SMARCB1: variants seen among roughly 807,000 people sequenced by gnomAD.
SMARCB1 encodes the protein SWI/SNF related BAF chromatin remodeling complex subunit B1, also known as SWI/SNF-related matrix-associated actin-dependent regulator of chromatin subfamily B member 1.
Under a neutral mutation model 49.0 loss-of-function variants are expected in SMARCB1, and 5 were observed. That is an observed-to-expected ratio of 0.10 (90% CI 0.05 to 0.21). The LOEUF (loss-of-function observed/expected upper bound fraction) is 0.21, where lower values mean the gene tolerates loss of function less well. Among genes scored for constraint, SMARCB1 ranks in the 10% least tolerant of loss-of-function variants. SMARCB1 has a pLI of 1.00. For synonymous variants in SMARCB1, 201 were observed against 200.1 expected, an observed-to-expected ratio of 1.00 and a Z score of -0.04; for missense variants, 226 against 509.2, an observed-to-expected ratio of 0.44 and a Z score of 5.35.
intron 3 of SMARCB1, among the ~76,000 whole-genome samples, chr22:23,799,049 C>CAA (rs765990218): frequency 6.8e-5 from 4 of 59,250 alleles, no homozygotes; most frequent in Non-Finnish European, 7.0e-5. Flanking sequence ...GACTCCATCT[C>CAA]AAAAAAAAAA....
chr22:23,829,920 T>A (rs1024238420), intron 7 of SMARCB1, among the ~76,000 whole-genome samples: 18 of 152,232 alleles, frequency 1.2e-4, no homozygotes. Context: ...TAATATGTGG[T>A]CTTTTATGAC....
At position 23,803,281 on chromosome 22, in the gene SMARCB1, C is replaced by T. The variant is rs376765597; in HGVS notation, c.501-14C>T. 5 of 1,614,142 alleles carry T rather than the reference C, an allele frequency of 3.1e-6. No individual in the cohort carries two copies. In the African/African-American group the frequency reaches 4.0e-5, roughly 13 times the overall value. On this transcript the variant is annotated splice_polypyrimidine_tract_variant and intron_variant, in intron 4 of 8. Coordinates refer to ENST00000644036, the MANE Select transcript of SMARCB1 (RefSeq NM_003073.5). ...CGGCCCCCTCGCTGACTGTTGCTTC[C>T]ATTTCACTTTCAGCTTTGATGACCA...
chr22:23,834,194 A>G lies in SMARCB1; in HGVS notation c.*14A>G. 1 of 1,583,762 alleles carries G rather than the reference A, an allele frequency of 6.3e-7. No individual in the cohort carries two copies. Among genetic ancestry groups the G allele is most frequent in the Non-Finnish European group, 8.6e-7 (1 of 1,165,046 alleles). ...CCGGCCTGGTAACCAGCCCATCAGC[A>G]CACGGCTCCCACGGAGCATCTCAGA... On this transcript the variant is annotated 3_prime_UTR_variant, in exon 9 of 9. Transcript: ENST00000644036.
At chr22:23,833,483 G>A in intron 7 of SMARCB1, 89 bp from the exon 8 acceptor site, 1 of 1,566,894 alleles carries the variant, frequency 6.4e-7, no homozygotes. Flanking sequence ...GCTGGGAGGA[G>A]CAGGGCACAG....
intron 5 of SMARCB1, among the ~76,000 whole-genome samples, chr22:23,808,189 C>T (rs1004661433): frequency 4.6e-5 from 7 of 151,058 alleles, no homozygotes; most frequent in East Asian, 1.9e-4. Context: ...GGCGCAATTT[C>T]GGCTCACTGC....
In SMARCB1 at chr22:23,787,224, C is replaced by T. The variant is rs977028798; in HGVS notation, c.55C>T (p.Leu19=). The part of the protein sequence containing the change: ...TFGQKPVKFQ[L]EDDGEFYMIG... ...CGGGCAGAAGCCCGTGAAGTTCCAG[C>T]TGGAGGACGACGGCGAGTTCTACAT... The change falls in exon 1 of 9, where the codon CTG becomes TTG. Residue 19 remains leucine (L), a synonymous_variant. Transcript: ENST00000644036. 2 of 1,608,660 alleles carry T rather than the reference C, an allele frequency of 1.2e-6. No individual in the cohort carries two copies. The highest frequency in any genetic ancestry group is 1.7e-6 in the Non-Finnish European group (2 of 1,176,958).
intron 5 of SMARCB1, among the ~76,000 whole-genome samples, chr22:23,811,612 G>A (rs891198091): frequency 3.9e-5 from 6 of 152,238 alleles, no homozygotes; most frequent in African/African-American, 1.4e-4. Flanking sequence ...GGTTCAAAGA[G>A]GAAGTCTGTA....
At chr22:23,811,036 CAAA>C (rs56238275) in intron 5 of SMARCB1, among the ~76,000 whole-genome samples, 5 of 131,572 alleles carry the variant, frequency 3.8e-5, no homozygotes, top group African/African-American at 1.3e-4. Flanking sequence ...GACTGTGTCT[CAAA>C]AAAAAAAAAA....
Position 23,807,304 on chromosome 22 carries a change from T to C in SMARCB1, c.628+3882T>C, listed in dbSNP as rs555432482. 4.6e-5 allele frequency among the ~76,000 whole-genome samples: 7 copies of C among 152,254 alleles called. No homozygotes were observed. In the East Asian group the frequency reaches 1.2e-3, roughly 25 times the overall value. ...ATATCCACATGCTTGTTTTGGGCTC[T>C]AAAAAAGTTAAATGAGGCTGAGCAC... On this transcript the variant is annotated intron_variant, in intron 5 of 8. Coordinates refer to ENST00000644036, the MANE Select transcript of SMARCB1 (RefSeq NM_003073.5).
intron 6 of SMARCB1, among the ~76,000 whole-genome samples, chr22:23,822,073 T>C (rs58512580): frequency 0.041 from 6,171 of 152,262 alleles, 359 homozygotes; most frequent in African/African-American, 0.12. Flanking sequence ...AACAAGAATC[T>C]TTGGAGCCAT....
In SMARCB1 at chr22:23,807,919, C is replaced by T. The variant is rs1023416804; in HGVS notation, c.628+4497C>T. ...ACGCCATTCTCCTGCCTCAGTCTCC[C>T]GAGTAGCTGGGACTACAGGTGCCCA... On this transcript the variant is annotated intron_variant, in intron 5 of 8. Transcript: ENST00000644036. Among the ~76,000 whole-genome samples, 11 of 149,230 alleles carry T rather than the reference C, an allele frequency of 7.4e-5. No individual in the cohort carries two copies. The East Asian group carries it at 7.9e-4, about 11-fold the overall frequency.
In SMARCB1 at chr22:23,837,985, A is replaced by G. The variant is rs2031238007; in HGVS notation, c.*3805A>G. 12 of 1,244,436 alleles carry G rather than the reference A, an allele frequency of 9.6e-6. No homozygotes were observed. The highest frequency in any genetic ancestry group is 2.6e-4 in the Middle Eastern group (1 of 3,798). 77.1% of individuals were successfully genotyped at this position (1,244,436 alleles called of 1,614,324 possible). A position where few individuals can be genotyped will look rare whatever the true frequency, so the allele number is the denominator to read the frequency against. ...TTCCCTCATCAAGATGAGCCAGTCC[A>G]ATAAAGGCGACACACTCCACGGGCT... On this transcript the variant is annotated 3_prime_UTR_variant, in exon 9 of 9. Transcript: ENST00000644036.
At chr22:23,804,647 G>A (rs138844047) in intron 5 of SMARCB1, among the ~76,000 whole-genome samples, 3 of 152,256 alleles carry the variant, frequency 2.0e-5, no homozygotes, top group Non-Finnish European at 4.4e-5. Context: ...AAGTTCAAGC[G>A]ATTCTCGTGC....
intron 4 of SMARCB1, chr22:23,802,764 C>A: frequency 4.0e-6 from 1 of 247,220 alleles, no homozygotes; most frequent in South Asian, 5.2e-5. Flanking sequence ...TGGAATCCTC[C>A]TGGGACTCCC....
At position 23,803,302 on chromosome 22, in the gene SMARCB1, G is replaced by A. The variant is rs1568943134; in HGVS notation, c.508G>A (p.Asp170Asn). ...KKRTFPLCFD[D>N]HDPAVIHENA... ...CTTCCATTTCACTTTCAGCTTTGATGACCATGACCCAGCTGTGATCCATGA... is the reference window on the plus strand; with the variant it reads ...CTTCCATTTCACTTTCAGCTTTGATAACCATGACCCAGCTGTGATCCATGA... The change falls in exon 5 of 9, where the codon GAC becomes AAC. Residue 170 changes from aspartate to asparagine, a missense_variant. By Grantham distance (23) the Asp-to-Asn change is conservative (BLOSUM62 1). Transcript: ENST00000644036. The A allele has an allele frequency of 6.2e-7, 1 of 1,614,182 alleles. No individual in the cohort carries two copies. Among genetic ancestry groups the A allele is most frequent in the Non-Finnish European group, 8.5e-7 (1 of 1,180,056 alleles).
At chr22:23,814,187 C>T (rs1173365444) in intron 5 of SMARCB1, among the ~76,000 whole-genome samples, 1 of 152,160 alleles carries the variant, frequency 6.6e-6, no homozygotes, top group Non-Finnish European at 1.5e-5. Flanking sequence ...TCAAGGCTTA[C>T]TATATAGCTA....
intron 1 of SMARCB1, among the ~76,000 whole-genome samples, chr22:23,790,813 A>G (rs936371642): frequency 1.6e-4 from 24 of 152,152 alleles, no homozygotes; most frequent in African/African-American, 3.4e-4. Flanking sequence ...CACCACTGCA[A>G]TCGAGCCTGG....
intron 2 of SMARCB1, 147 bp downstream of exon 2, chr22:23,792,041 C>A: frequency 1.3e-6 from 1 of 780,798 alleles, no homozygotes; most frequent in Non-Finnish European, 2.2e-6. Context: ...CCTGTGAGCA[C>A]TCCAGGCAAG....
In SMARCB1 at chr22:23,835,954, T is replaced by C. The variant is rs963219591; in HGVS notation, c.*1774T>C. The C allele has an allele frequency of 1.2e-5, 12 of 985,394 alleles. No homozygotes were observed. In the African/African-American group the frequency reaches 1.7e-4, roughly 14 times the overall value. The allele number at this position is 985,394 out of a possible 1,614,324, so 61.0% of individuals were successfully genotyped here. On this transcript the variant is annotated 3_prime_UTR_variant, in exon 9 of 9. Coordinates refer to ENST00000644036, the MANE Select transcript of SMARCB1 (RefSeq NM_003073.5). ...GGGCAGACTCAACAGAGAACAGTGT[T>C]GTTACCATGAAAATGACAACCTGTC...
Sources: gnomAD v4.1 joint callset for allele counts (sites outside exome capture counted in the v4.1 genomes callset) on GRCh38, gnomAD v4.1.1 for gene constraint, MANE v1.5 for transcripts, NCBI Gene and HGNC (gene_info 2026-07-23, HGNC 2026-07-21) for gene names.